The following AGMAT variants were observed in gnomAD, a reference collection of about 807,000 sequenced individuals.
AGMAT encodes guanidino acid hydrolase, mitochondrial.
A neutral mutation model predicts 29.3 loss-of-function variants in AGMAT; 37 were observed. The observed-to-expected ratio is 1.26, with a 90% CI of 0.97 to 1.66. AGMAT has a LOEUF of 1.66. AGMAT is among the 40% of genes most tolerant of loss of function. AGMAT has a pLI of 0.00. For synonymous variants in AGMAT, 199 were observed against 200.8 expected, an observed-to-expected ratio of 0.99 and a Z score of 0.08; for missense variants, 498 against 497.8, an observed-to-expected ratio of 1.00 and a Z score of 0.00.
In AGMAT at chr1:15,584,939, G is replaced by A. The variant is rs1436146307; in HGVS notation, c.29C>T (p.Ala10Val). ...GCCCACGCCGGGCCCCGGGCCCCGGGCGCACCCGGACGCCAGCAGCCTCAG... is the reference window on the plus strand; with the variant it reads ...GCCCACGCCGGGCCCCGGGCCCCGGACGCACCCGGACGCCAGCAGCCTCAG... MLRLLASGC[A>V]RGPGPGVGAR... Residue 10 changes from alanine to valine, a missense_variant, in exon 1 of 7, where the codon GCC (alanine) becomes GTC (valine). Transcript: ENST00000375826. 2 of 1,366,046 alleles carry A rather than the reference G, an allele frequency of 1.5e-6. No individual in the cohort carries two copies. The highest frequency in any genetic ancestry group is 1.5e-5 in the African/African-American group (1 of 65,300). The allele number at this position is 1,366,046 out of a possible 1,614,324, so 84.6% of individuals were successfully genotyped here. A position where few individuals can be genotyped will look rare whatever the true frequency, so the allele number is the denominator to read the frequency against.
In AGMAT at chr1:15,583,392, G is replaced by A. The variant is rs747756884; in HGVS notation, c.276C>T (p.Phe92=). Residue 92 remains phenylalanine (F), a synonymous_variant, in exon 2 of 7, where the codon TTC becomes TTT. Transcript: ENST00000375826. ...TGTSNRPGAR[F]GPRRIREESV... ...ATTCTTCCCGGATGCGGCGAGGTCC[G>A]AATCTGCAGAAGGAAGAATCATCCT... is the stretch of plus-strand genomic sequence containing the variant. 5.0e-6 allele frequency: 8 copies of A among 1,611,618 alleles called. No homozygotes were observed. The Admixed American group carries it at 5.0e-5, about 10-fold the overall frequency.
At chr1:15,574,409 G>A (rs1307429428) in intron 6 of AGMAT, among the ~76,000 whole-genome samples, 7 of 143,878 alleles carry the variant, frequency 4.9e-5, no homozygotes, top group Admixed American at 7.2e-5. Context: ...ATGGAGTCTC[G>A]CTCTGTCACC....
intron 5 of AGMAT, chr1:15,576,086 C>T (rs561236862): frequency 4.6e-5 from 7 of 151,910 alleles, no homozygotes; most frequent in African/African-American, 1.7e-4. Context: ...AAATTTAACC[C>T]TAAAAAGATA....
intron 1 of AGMAT, among the ~76,000 whole-genome samples, chr1:15,584,168 A>T (rs1381820383): frequency 6.6e-6 from 1 of 152,108 alleles, no homozygotes; most frequent in East Asian, 1.9e-4. Flanking sequence ...TTTGAGACGG[A>T]GTCTCACTCT....
In AGMAT at chr1:15,580,770, G is replaced by A. The variant is rs1391600803; in HGVS notation, c.476-628C>T. ...GCGGGCAGGTCACCTGATGTTGGGA[G>A]TTCAAGACCAGCCTGACCAACATGG... On this transcript the variant is annotated intron_variant, in intron 2 of 6. Transcript: ENST00000375826. 4.6e-5 allele frequency among the ~76,000 whole-genome samples: 7 copies of A among 151,978 alleles called. No homozygotes were observed. In the South Asian group the frequency reaches 1.3e-3, roughly 27 times the overall value.
chr1:15,573,652 C>T lies in AGMAT; in HGVS notation c.1058G>A (p.Ter353=), dbSNP rs374127727. The change falls in exon 7 of 7, where the codon TGA becomes TAA. Residue 353 remains the stop codon, a stop_retained_variant. Coordinates refer to ENST00000375826, the MANE Select transcript of AGMAT (RefSeq NM_024758.5). ...GTTTTGTCTTGAAGAGCACAAGACTCAGACGGTTGTCACTTTGGGGAGAGC... is the reference window on the plus strand; with the variant it reads ...GTTTTGTCTTGAAGAGCACAAGACTTAGACGGTTGTCACTTTGGGGAGAGC... The part of the protein sequence containing the change: ...LCALPKVTTV[*] 7.4e-6 allele frequency: 12 copies of T among 1,614,042 alleles called. No homozygotes were observed. The African/African-American group carries it at 1.6e-4, about 22-fold the overall frequency.
At chr1:15,579,227 G>A (rs1341075471) in intron 3 of AGMAT, among the ~76,000 whole-genome samples, 173 bp from the exon 4 acceptor site, 1 of 152,156 alleles carries the variant, frequency 6.6e-6, no homozygotes, top group Admixed American at 6.6e-5. Flanking sequence ...GCATCTCAGA[G>A]GAACAATAAA....
At chr1:15,584,461 TG>T (rs1257735766) in intron 1 of AGMAT, among the ~76,000 whole-genome samples, 1 of 152,128 alleles carries the variant, frequency 6.6e-6, no homozygotes, top group Non-Finnish European at 1.5e-5. Flanking sequence ...AATCCCTTCT[TG>T]ACCAATGATG....
chr1:15,576,421 TTTGG>T lies in AGMAT; in HGVS notation c.900+1260_900+1263del, dbSNP rs374630855. On this transcript the variant is annotated intron_variant, in intron 5 of 6. Coordinates refer to ENST00000375826, the MANE Select transcript of AGMAT (RefSeq NM_024758.5). ...CGCCCGGCCAAGTTTAGTGTTTTTG[TTTGG>T]TTGGTTGGTTGGTTTTTTTTTTGAG... is the stretch of plus-strand genomic sequence containing the variant. Among the ~76,000 whole-genome samples the T allele has an allele frequency of 2.5e-3, 369 of 149,840 alleles. 3 individuals carry two copies. The highest frequency in any genetic ancestry group is 7.6e-3 in the African/African-American group (307 of 40,660).
intron 5 of AGMAT, among the ~76,000 whole-genome samples, chr1:15,576,737 G>GTTTTTTTTTTT (rs1420717123): frequency 3.2e-5 from 1 of 31,582 alleles, no homozygotes; most frequent in Non-Finnish European, 6.5e-5. Context: ...CAAGTTTAGT[G>GTTTTTTTTTTT]TTCTTTTTTT....
In AGMAT at chr1:15,573,552, T is replaced by C. The variant is rs1462789465; in HGVS notation, c.*99A>G. ...CAATGACACTTTCAGCAGAAAGTTT[T>C]CTTGGCATAAACTCTTTAGTTCTCA... On this transcript the variant is annotated 3_prime_UTR_variant, in exon 7 of 7. Coordinates refer to ENST00000375826, the MANE Select transcript of AGMAT (RefSeq NM_024758.5). 14 of 1,137,770 alleles carry C rather than the reference T, an allele frequency of 1.2e-5. No individual in the cohort carries two copies. Among genetic ancestry groups the C allele is most frequent in the African/African-American group, 6.2e-5 (4 of 64,614 alleles). The allele number at this position is 1,137,770 out of a possible 1,614,324, so 70.5% of individuals were successfully genotyped here.
At position 15,584,698 on chromosome 1, in the gene AGMAT, C is replaced by A; in HGVS notation, c.270G>T (p.Ala90=). ...GGCCCCCGTCCTTCCGGCCTTACCT[C>A]GCCCCAGGCCGGTTGGAGGTCCCAG... ...LDTGTSNRPG[A]RFGPRRIREE... The change falls in exon 1 of 7, where the codon GCG becomes GCT. Residue 90 remains alanine (A), a splice_region_variant and synonymous_variant. Transcript: ENST00000375826. 7.6e-7 allele frequency: 1 copy of A among 1,322,842 alleles called. No individual in the cohort carries two copies. The highest frequency in any genetic ancestry group is 3.2e-5 in the Admixed American group (1 of 31,598). 81.9% of individuals were successfully genotyped at this position (1,322,842 alleles called of 1,614,324 possible). A position where few individuals can be genotyped will look rare whatever the true frequency, so the allele number is the denominator to read the frequency against.
In AGMAT at chr1:15,579,069, G is replaced by A. The variant is rs750978245; in HGVS notation, c.525-15C>T. 2.5e-6 allele frequency: 4 copies of A among 1,611,978 alleles called. No individual in the cohort carries two copies. Among genetic ancestry groups the A allele is most frequent in the Non-Finnish European group, 3.4e-6 (4 of 1,178,922 alleles). ...CTGGGCCATGCCTGATGACAACAGG[G>A]CAGCTCAGAGGCCAACCCTCCCTGT... On this transcript the variant is annotated splice_polypyrimidine_tract_variant and intron_variant, in intron 3 of 6. Coordinates refer to ENST00000375826, the MANE Select transcript of AGMAT (RefSeq NM_024758.5).
Position 15,580,242 on chromosome 1 carries a change from G to C in AGMAT, c.476-100C>G, listed in dbSNP as rs535872179. ...TTTTTTTGAGATGTAGTTTTGCTCTGTTGTCCAGGCTGGAGTTCAATGGCA... is the reference window on the plus strand; with the variant it reads ...TTTTTTTGAGATGTAGTTTTGCTCTCTTGTCCAGGCTGGAGTTCAATGGCA... On this transcript the variant is annotated intron_variant, in intron 2 of 6. Coordinates refer to ENST00000375826, the MANE Select transcript of AGMAT (RefSeq NM_024758.5). 11 of 982,874 alleles carry C rather than the reference G, an allele frequency of 1.1e-5. No homozygotes were observed. The African/African-American group carries it at 2.2e-4, about 20-fold the overall frequency. The allele number at this position is 982,874 out of a possible 1,614,324, so 60.9% of individuals were successfully genotyped here. A position where few individuals can be genotyped will look rare whatever the true frequency, so the allele number is the denominator to read the frequency against.
chr1:15,573,787 A>T (rs1570939160), intron 6 of AGMAT, 63 bp from the exon 7 acceptor site: 2 of 1,422,468 alleles, frequency 1.4e-6, no homozygotes, highest in Non-Finnish European at 2.0e-6. Context: ...AAGCCTTGGG[A>T]CTCCTCAGCT....
intron 2 of AGMAT, among the ~76,000 whole-genome samples, chr1:15,582,975 G>C (rs1245969862): frequency 6.6e-6 from 1 of 152,200 alleles, no homozygotes; most frequent in Non-Finnish European, 1.5e-5. Flanking sequence ...TCCAGTCTGG[G>C]TAACAGAGTG....
intron 6 of AGMAT, 53 bp from the exon 7 acceptor site, chr1:15,573,777 A>C: frequency 6.7e-7 from 1 of 1,500,216 alleles, no homozygotes; most frequent in East Asian, 2.3e-5. Flanking sequence ...CCGCTGAGCC[A>C]AGCCTTGGGA....
chr1:15,573,535 C>CT lies in AGMAT; in HGVS notation c.*115dup. 1.1e-6 allele frequency: 1 copy of CT among 910,508 alleles called. No homozygotes were observed. Among genetic ancestry groups the CT allele is most frequent in the Non-Finnish European group, 1.7e-6 (1 of 576,218 alleles). The allele number at this position is 910,508 out of a possible 1,614,324, so 56.4% of individuals were successfully genotyped here. ...CCCGACTTCACAGCCAGCAATGACA[C>CT]TTTCAGCAGAAAGTTTTCTTGGCAT... On this transcript the variant is annotated 3_prime_UTR_variant, in exon 7 of 7. Transcript: ENST00000375826.
intron 1 of AGMAT, among the ~76,000 whole-genome samples, chr1:15,583,981 G>A (rs562486863): frequency 1.3e-5 from 2 of 152,268 alleles, no homozygotes; most frequent in East Asian, 3.9e-4. Context: ...TCTTGAGTCA[G>A]GTGACATCTT....
Sources: gnomAD v4.1 joint callset for allele counts (sites outside exome capture counted in the v4.1 genomes callset) on GRCh38, gnomAD v4.1.1 for gene constraint, MANE v1.5 for transcripts, NCBI Gene and HGNC (gene_info 2026-07-23, HGNC 2026-07-21) for gene names.